ACSS3: variants seen among roughly 807,000 people sequenced by gnomAD.
ACSS3 encodes the protein acyl-CoA synthetase short chain family member 3, also known as acyl-CoA synthetase short-chain family member 3, mitochondrial.
ACSS3 carries 64 observed loss-of-function variants against 84.2 expected under a neutral mutation model. That is an observed-to-expected ratio of 0.76 (90% CI 0.62 to 0.94). ACSS3 has a LOEUF of 0.94. ACSS3 is among the 40% of genes least tolerant of loss of function. The probability of loss-of-function intolerance (pLI) is 0.00; values close to 1 mark genes in which losing one functional copy is unlikely to be tolerated. For missense variants in ACSS3, 815 were observed against 867.6 expected (o/e 0.94, Z 0.76); for synonymous variants, 317 against 310.1 (o/e 1.02, Z -0.23).
intron 8 of ACSS3, among the ~76,000 whole-genome samples, chr12:81,181,399 T>A (rs1357284524): frequency 6.6e-6 from 1 of 152,098 alleles, no homozygotes; most frequent in Non-Finnish European, 1.5e-5. Flanking sequence ...AGTTTTTCCC[T>A]ATGAAAGTCA....
chr12:81,238,967 CTCT>C (rs1023021955), intron 13 of ACSS3, among the ~76,000 whole-genome samples: 20 of 151,756 alleles, frequency 1.3e-4, no homozygotes, highest in African/African-American at 4.6e-4. Context: ...TTTTAGATCT[CTCT>C]TCTTTTCTAA....
chr12:81,202,260 T>C (rs1003217451), intron 9 of ACSS3, among the ~76,000 whole-genome samples: 4 of 151,634 alleles, frequency 2.6e-5, no homozygotes, highest in Admixed American at 6.6e-5. Context: ...GCCTGGGTGA[T>C]AGAGCGAGAC....
chr12:81,166,311 C>A (rs988153527), intron 7 of ACSS3, among the ~76,000 whole-genome samples: 1 of 152,110 alleles, frequency 6.6e-6, no homozygotes, highest in Non-Finnish European at 1.5e-5. Flanking sequence ...AATATAATGG[C>A]AGTTATCAAC....
chr12:81,094,880 A>G (rs1431438708), intron 1 of ACSS3: 11 of 152,338 alleles, frequency 7.2e-5, no homozygotes, highest in Admixed American at 6.5e-4. Flanking sequence ...CTCCTTAACC[A>G]GAGCAACATT....
intron 7 of ACSS3, among the ~76,000 whole-genome samples, chr12:81,164,205 G>A (rs1483938837): frequency 1.3e-5 from 2 of 151,966 alleles, no homozygotes; most frequent in African/African-American, 4.8e-5. Context: ...ACATGTTTAG[G>A]TACACAGTCA....
chr12:81,227,122 A>G (rs1420036725), intron 11 of ACSS3, among the ~76,000 whole-genome samples: 5 of 151,820 alleles, frequency 3.3e-5, no homozygotes, highest in Non-Finnish European at 5.9e-5. Flanking sequence ...ACCCAGGAAA[A>G]GTTGTAGTTT....
chr12:81,202,918 T>C (rs1282224413), intron 9 of ACSS3, among the ~76,000 whole-genome samples: 2 of 152,190 alleles, frequency 1.3e-5, no homozygotes, highest in Non-Finnish European at 2.9e-5. Context: ...AATTTGTAGA[T>C]ATAGATACAG....
intron 13 of ACSS3, among the ~76,000 whole-genome samples, chr12:81,236,283 C>G (rs1277607211): frequency 1.3e-5 from 2 of 151,308 alleles, no homozygotes; most frequent in Non-Finnish European, 3.0e-5. Context: ...GCTTTTGAAC[C>G]AGTCGTGCAT....
At chr12:81,246,073 G>A (rs1177818320) in intron 13 of ACSS3, among the ~76,000 whole-genome samples, 2 of 152,104 alleles carry the variant, frequency 1.3e-5, no homozygotes, top group African/African-American at 2.4e-5. Flanking sequence ...AGTCAACAGC[G>A]ACCCACTCTC....
Position 81,174,889 on chromosome 12 carries a change from C to A in ACSS3, c.1200C>A (p.Ile400=). ...LFTAPTAIRA[I]RQQDPGAALG... ...CAGCACCAACTGCAATTAGAGCAAT[C>A]CGTCAACAGGACCCTGGGGCAGCTT... Residue 400 remains isoleucine (I), a synonymous_variant, in exon 8 of 16, where the codon ATC becomes ATA. Transcript: ENST00000548058. 6.2e-7 allele frequency: 1 copy of A among 1,613,976 alleles called. No individual in the cohort carries two copies. The highest frequency in any genetic ancestry group is 8.5e-7 in the Non-Finnish European group (1 of 1,179,906).
intron 1 of ACSS3, among the ~76,000 whole-genome samples, chr12:81,085,422 A>C (rs1038213161): frequency 1.3e-5 from 2 of 152,228 alleles, no homozygotes; most frequent in Admixed American, 6.5e-5. Context: ...TGAACTATCA[A>C]CTATACAGTA....
intron 1 of ACSS3, among the ~76,000 whole-genome samples, chr12:81,099,893 C>G (rs141031709): frequency 6.9e-4 from 105 of 152,212 alleles, no homozygotes; most frequent in African/African-American, 2.5e-3. Context: ...TTCTGGCACC[C>G]AGAGATCAAG....
chr12:81,171,649 A>G (rs2030052801), intron 7 of ACSS3, among the ~76,000 whole-genome samples: 1 of 152,154 alleles, frequency 6.6e-6, no homozygotes, highest in Admixed American at 6.6e-5. Flanking sequence ...ATTGACGAAA[A>G]TTAGTTTGGT....
chr12:81,219,734 G>A (rs2135947999), intron 10 of ACSS3, among the ~76,000 whole-genome samples: 2 of 152,112 alleles, frequency 1.3e-5, no homozygotes, highest in East Asian at 3.9e-4. Context: ...GGTATATTTA[G>A]TGGACATAGA....
intron 2 of ACSS3, among the ~76,000 whole-genome samples, chr12:81,123,427 A>G (rs556380349): frequency 5.4e-4 from 83 of 152,312 alleles, no homozygotes; most frequent in Non-Finnish European, 9.6e-4. Flanking sequence ...CAATAAAACT[A>G]CATTTTTAGA....
At chr12:81,254,815 A>AT in intron 15 of ACSS3, 42 bp from the exon 16 acceptor site, 1 of 1,447,516 alleles carries the variant, frequency 6.9e-7, no homozygotes, top group Non-Finnish European at 9.5e-7. Flanking sequence ...AGTAGAAGAA[A>AT]TTCAAGGAAG....
chr12:81,243,094 G>T (rs1313037537), intron 13 of ACSS3, among the ~76,000 whole-genome samples: 2 of 152,050 alleles, frequency 1.3e-5, no homozygotes, highest in Non-Finnish European at 2.9e-5. Flanking sequence ...TGACATGATT[G>T]TATATCTAGA....
chr12:81,253,705 A>G, intron 15 of ACSS3, 35 bp downstream of exon 15: 1 of 1,586,268 alleles, frequency 6.3e-7, no homozygotes, highest in Non-Finnish European at 8.6e-7. Flanking sequence ...CTGGGTTCTA[A>G]GATATTTTTC....
Position 81,255,080 on chromosome 12 carries a change from G to T in ACSS3, c.*158G>T. Reference sequence around the variant, plus strand: ...CTAAACAAATCTAATGAAAACATGTGAAAGACCTGTGCCTTTTTTTTGGTT... The same window carrying T: ...CTAAACAAATCTAATGAAAACATGTTAAAGACCTGTGCCTTTTTTTTGGTT... On this transcript the variant is annotated 3_prime_UTR_variant, in exon 16 of 16. Coordinates refer to ENST00000548058, the MANE Select transcript of ACSS3 (RefSeq NM_024560.4). 1.5e-6 allele frequency: 1 copy of T among 652,740 alleles called. No individual in the cohort carries two copies. Among genetic ancestry groups the T allele is most frequent in the Non-Finnish European group, 2.4e-6 (1 of 414,168 alleles). 40.4% of individuals were successfully genotyped at this position (652,740 alleles called of 1,614,324 possible). A position where few individuals can be genotyped will look rare whatever the true frequency, so the allele number is the denominator to read the frequency against.
Sources: gnomAD v4.1 joint callset for allele counts (sites outside exome capture counted in the v4.1 genomes callset) on GRCh38, gnomAD v4.1.1 for gene constraint, MANE v1.5 for transcripts, NCBI Gene and HGNC (gene_info 2026-07-23, HGNC 2026-07-21) for gene names.